TIAM1: variants seen among roughly 807,000 people sequenced by gnomAD.
TIAM1 encodes the protein rho guanine nucleotide exchange factor TIAM1.
Under a neutral mutation model 163.5 loss-of-function variants are expected in TIAM1, and 65 were observed. The observed-to-expected ratio is 0.40, with a 90% confidence interval of 0.33 to 0.49. The LOEUF (loss-of-function observed/expected upper bound fraction) is 0.49. Among genes scored for constraint, TIAM1 ranks in the 20% least tolerant of loss-of-function variants. TIAM1 has a pLI of 0.77. For synonymous variants in TIAM1, 833 were observed against 810.1 expected (o/e 1.03, Z -0.48); for missense variants, 1,789 against 2,044.7 (o/e 0.87, Z 2.41).
chr21:31,118,425 C>T lies in TIAM1; in HGVS notation c.*1943G>A, dbSNP rs566251072. On this transcript the variant is annotated 3_prime_UTR_variant, in exon 28 of 28. Coordinates refer to ENST00000541036, the MANE Select transcript of TIAM1 (RefSeq NM_001353694.2). ...GGCATAGAACCGCCCAGACACTTTT[C>T]GTTATTTTTATTGTTTGACAAGCAT... is the stretch of plus-strand genomic sequence containing the variant. 4.1e-5 allele frequency: 15 copies of T among 363,370 alleles called. No individual in the cohort carries two copies. The highest frequency in any genetic ancestry group is 4.0e-4 in the Middle Eastern group (1 of 2,494). The allele number at this position is 363,370 out of a possible 1,614,324, so 22.5% of individuals were successfully genotyped here.
intron 2 of TIAM1, among the ~76,000 whole-genome samples, chr21:31,422,373 C>A: frequency 6.6e-6 from 1 of 152,222 alleles, no homozygotes; most frequent in South Asian, 2.1e-4. Context: ...TTTTCTTGTT[C>A]CTCTGAGCAG....
intron 6 of TIAM1, among the ~76,000 whole-genome samples, chr21:31,234,797 G>T (rs1419304917): frequency 1.3e-5 from 2 of 151,504 alleles, no homozygotes; most frequent in Non-Finnish European, 2.9e-5. Flanking sequence ...AAAAAGAGAA[G>T]AAATTGTGCT....
At chr21:31,362,881 C>T (rs1266354251) in intron 2 of TIAM1, among the ~76,000 whole-genome samples, 1 of 152,006 alleles carries the variant, frequency 6.6e-6, no homozygotes, top group Non-Finnish European at 1.5e-5. Context: ...ATTAGGATGC[C>T]CTACAGAACA....
At chr21:31,456,406 A>C (rs1314847640) in intron 2 of TIAM1, among the ~76,000 whole-genome samples, 1 of 152,168 alleles carries the variant, frequency 6.6e-6, no homozygotes, top group African/African-American at 2.4e-5. Context: ...GGCAAGGGTG[A>C]GCTTCCTCGA....
intron 2 of TIAM1, among the ~76,000 whole-genome samples, chr21:31,447,774 T>C (rs2044681877): frequency 6.6e-6 from 1 of 152,166 alleles, no homozygotes; most frequent in Admixed American, 6.5e-5. Context: ...ACAGAATCTA[T>C]ACATATGCAC....
chr21:31,246,048 C>T (rs2071485016), intron 5 of TIAM1, among the ~76,000 whole-genome samples: 1 of 152,252 alleles, frequency 6.6e-6, no homozygotes, highest in East Asian at 1.9e-4. Context: ...TCACTACCGT[C>T]CGATTGAAGC....
intron 2 of TIAM1, among the ~76,000 whole-genome samples, chr21:31,390,052 A>AT (rs1392240144): frequency 2.0e-5 from 3 of 152,176 alleles, no homozygotes; most frequent in East Asian, 1.9e-4. Context: ...ATTAAGAGGA[A>AT]TTTTTTAGAA....
chr21:31,473,120 GAA>G (rs1390878439), intron 1 of TIAM1, among the ~76,000 whole-genome samples: 2 of 152,058 alleles, frequency 1.3e-5, no homozygotes, highest in Non-Finnish European at 2.9e-5. Context: ...TGTCTTCCCA[GAA>G]TTAGTTACTT....
chr21:31,209,081 C>T (rs16987964), intron 11 of TIAM1, among the ~76,000 whole-genome samples: 3,256 of 152,112 alleles, frequency 0.021, 129 homozygotes, highest in African/African-American at 0.075. Context: ...TGTGGACACT[C>T]GGCACTGCAG....
intron 2 of TIAM1, among the ~76,000 whole-genome samples, chr21:31,361,462 CATTTCTCG>C (rs1414546791): frequency 6.6e-6 from 1 of 152,062 alleles, no homozygotes; most frequent in African/African-American, 2.4e-5. Context: ...GCCAATGTTG[CATTTCTCG>C]AGCTGGTGAT....
chr21:31,461,537 T>C (rs1216592135), intron 2 of TIAM1, among the ~76,000 whole-genome samples: 2 of 152,180 alleles, frequency 1.3e-5, no homozygotes, highest in Non-Finnish European at 2.9e-5. Context: ...ACTGCCAGCA[T>C]TCAATTATCG....
chr21:31,277,537 C>T (rs538994313), intron 2 of TIAM1, among the ~76,000 whole-genome samples: 17 of 152,286 alleles, frequency 1.1e-4, no homozygotes, highest in Admixed American at 2.6e-4. Flanking sequence ...CCCAGATACT[C>T]AGGAGGCTGT....
chr21:31,352,874 C>CAA (rs35370613), intron 2 of TIAM1, among the ~76,000 whole-genome samples: 11 of 122,874 alleles, frequency 9.0e-5, no homozygotes, highest in Non-Finnish European at 7.0e-5. Flanking sequence ...GACTCTGTCT[C>CAA]AAAAAAAAAA....
At chr21:31,228,219 TTAAAAAAAAAAAAAAAA>T (rs1298161354) in intron 6 of TIAM1, among the ~76,000 whole-genome samples, 371 of 17,622 alleles carry the variant, frequency 0.021, 7 homozygotes, top group Non-Finnish European at 0.029. Flanking sequence ...CCTCCTTTTT[TTAAAAAAAAAAAAAAAA>T]AAAAAAAAAA....
At chr21:31,196,907 A>G (rs544818022) in intron 12 of TIAM1, among the ~76,000 whole-genome samples, 1 of 152,350 alleles carries the variant, frequency 6.6e-6, no homozygotes, top group South Asian at 2.1e-4. Context: ...AATACTATGT[A>G]GCCATGAAAA....
Position 31,477,761 on chromosome 21 carries a change from C to G in TIAM1, c.-421-13726G>C, listed in dbSNP as rs530351911. Among the ~76,000 whole-genome samples the G allele has an allele frequency of 3.2e-3, 491 of 152,178 alleles. 2 individuals are homozygous for G. The highest frequency in any genetic ancestry group is 5.4e-3 in the Non-Finnish European group (365 of 68,010). On this transcript the variant is annotated intron_variant, in intron 1 of 28. Transcript: ENST00000286827. The stretch of plus-strand genomic sequence containing the variant: ...CCAGAGGACATCCTGAAGATGAGGA[C>G]AGAACTGCCAACTGCATGAAAGAAG...
At chr21:31,430,502 T>C (rs1438295439) in intron 2 of TIAM1, among the ~76,000 whole-genome samples, 2 of 151,990 alleles carry the variant, frequency 1.3e-5, no homozygotes, top group Non-Finnish European at 1.5e-5. Flanking sequence ...CAAGCTAGCG[T>C]TTATACTTAT....
At chr21:31,283,606 A>G (rs1222132121) in intron 2 of TIAM1, among the ~76,000 whole-genome samples, 1 of 151,698 alleles carries the variant, frequency 6.6e-6, no homozygotes, top group African/African-American at 2.4e-5. Context: ...GTGCAGTGGC[A>G]TGATCTCTGC....
At chr21:31,353,835 CT>C (rs71193103) in intron 2 of TIAM1, among the ~76,000 whole-genome samples, 849 of 71,186 alleles carry the variant, frequency 0.012, 4 homozygotes, top group African/African-American at 0.038. Context: ...ATTTATTTAT[CT>C]TTTTTTTTTT....
Sources: allele counts gnomAD v4.1 joint callset (sites outside exome capture counted in the v4.1 genomes callset), GRCh38; gene constraint gnomAD v4.1.1; transcripts MANE v1.5; gene names NCBI Gene and HGNC (gene_info 2026-07-23, HGNC 2026-07-21).